TIAM1: variants seen among roughly 807,000 people sequenced by gnomAD.
TIAM1 encodes TIAM Rac1 associated GEF 1.
A neutral mutation model predicts 163.5 loss-of-function variants in TIAM1; 65 were observed. The ratio of observed to expected loss-of-function variants is 0.40; its 90% CI spans 0.33 to 0.49. The LOEUF (loss-of-function observed/expected upper bound fraction) is 0.49. Ranked by LOEUF, TIAM1 falls within the 20% of genes least tolerant of loss-of-function variation. The probability of loss-of-function intolerance (pLI) is 0.77; values close to 1 mark genes in which losing one functional copy is unlikely to be tolerated. For missense variants in TIAM1, 1,789 were observed against 2,044.7 expected (o/e 0.87, Z 2.41); for synonymous variants, 833 against 810.1 (o/e 1.03, Z -0.48).
chr21:31,453,414 C>T (rs2044951459), intron 2 of TIAM1, among the ~76,000 whole-genome samples: 2 of 152,038 alleles, frequency 1.3e-5, no homozygotes, highest in African/African-American at 4.8e-5. Flanking sequence ...CATTAAGAAA[C>T]CAGGGGGCAG....
chr21:31,376,247 G>T (rs893644590), intron 2 of TIAM1, among the ~76,000 whole-genome samples: 1 of 151,948 alleles, frequency 6.6e-6, no homozygotes, highest in Non-Finnish European at 1.5e-5. Flanking sequence ...ATGTACACAT[G>T]TGCACACTCA....
intron 13 of TIAM1, among the ~76,000 whole-genome samples, chr21:31,189,394 G>C (rs1226910772): frequency 1.3e-5 from 2 of 152,008 alleles, no homozygotes; most frequent in Admixed American, 1.3e-4. Context: ...ATAATCAAAA[G>C]GTTAAATAGA....
intron 2 of TIAM1, among the ~76,000 whole-genome samples, chr21:31,296,207 G>A (rs1407198608): frequency 6.6e-6 from 1 of 152,022 alleles, no homozygotes; most frequent in African/African-American, 2.4e-5. Context: ...CTTGGGAAAG[G>A]AAACATTTCT....
intron 2 of TIAM1, among the ~76,000 whole-genome samples, chr21:31,429,743 G>A (rs188274626): frequency 3.7e-4 from 56 of 152,322 alleles, no homozygotes; most frequent in Non-Finnish European, 4.0e-4. Context: ...CAGCCAGGGC[G>A]TGGAGTCTTC....
At chr21:31,526,968 C>T (rs1226941261) in intron 1 of TIAM1, among the ~76,000 whole-genome samples, 5 of 152,268 alleles carry the variant, frequency 3.3e-5, no homozygotes, top group Non-Finnish European at 5.9e-5. Context: ...TCCCAAAGTG[C>T]TGGGATTACA....
chr21:31,387,143 C>T (rs2076885541), intron 2 of TIAM1, among the ~76,000 whole-genome samples: 4 of 150,810 alleles, frequency 2.7e-5, no homozygotes, highest in Admixed American at 6.6e-5. Flanking sequence ...CGTCCCACCC[C>T]GAGAGCAGAC....
intron 1 of TIAM1, among the ~76,000 whole-genome samples, chr21:31,503,613 G>GGGGAGAGGAGTGGAA (rs2046934292): frequency 2.6e-5 from 3 of 116,682 alleles, no homozygotes; most frequent in African/African-American, 1.0e-4. Context: ...GGGGAGGGGA[G>GGGGAGAGGAGTGGAA]GGACCTGAAA....
chr21:31,228,249 A>G (rs2088168737), intron 6 of TIAM1, among the ~76,000 whole-genome samples: 16 of 138,264 alleles, frequency 1.2e-4, no homozygotes, highest in African/African-American at 5.0e-4. Flanking sequence ...AAAAAAAAAA[A>G]AAAAAAAAAA....
chr21:31,385,512 C>T (rs992625681), intron 2 of TIAM1, among the ~76,000 whole-genome samples: 1 of 151,858 alleles, frequency 6.6e-6, no homozygotes, highest in Non-Finnish European at 1.5e-5. Context: ...TCTGTAGGGA[C>T]GGTTGGGTCA....
chr21:31,181,613 T>A (rs2085018226), intron 15 of TIAM1, among the ~76,000 whole-genome samples: 1 of 151,900 alleles, frequency 6.6e-6, no homozygotes. Context: ...CCTCTCAGCA[T>A]CTCAGCTCAC....
chr21:31,153,966 A>T (rs942514602), intron 17 of TIAM1, among the ~76,000 whole-genome samples: 1 of 151,812 alleles, frequency 6.6e-6, no homozygotes, highest in African/African-American at 2.4e-5. Flanking sequence ...CAGGAGGCTG[A>T]GGAGGGAGGA....
intron 8 of TIAM1, among the ~76,000 whole-genome samples, chr21:31,221,789 TAAA>T (rs1453255387): frequency 1.3e-5 from 2 of 152,226 alleles, no homozygotes; most frequent in Non-Finnish European, 2.9e-5. Context: ...GACAAGGAGA[TAAA>T]GAAGAATTTC....
chr21:31,304,501 A>G (rs2146966435), intron 2 of TIAM1, among the ~76,000 whole-genome samples: 1 of 152,276 alleles, frequency 6.6e-6, no homozygotes, highest in South Asian at 2.1e-4. Flanking sequence ...GCCCAGTTCA[A>G]TTCCACTCAG....
intron 1 of TIAM1, among the ~76,000 whole-genome samples, chr21:31,492,387 C>T (rs2154515): frequency 0.32 from 48,145 of 152,034 alleles, 8,387 homozygotes; most frequent in East Asian, 0.7. Context: ...TCACCTGAGA[C>T]GAAGGCATAT....
At chr21:31,204,903 T>C (rs2086371151) in intron 11 of TIAM1, among the ~76,000 whole-genome samples, 1 of 152,200 alleles carries the variant, frequency 6.6e-6, no homozygotes, top group African/African-American at 2.4e-5. Context: ...ATATGATAGT[T>C]TGCAGCCTGC....
In TIAM1 at chr21:31,225,738, T is replaced by C; in HGVS notation, c.1797A>G (p.Thr599=). The change falls in exon 7 of 28, where the codon ACA becomes ACG. Residue 599 remains threonine, a synonymous_variant. Coordinates refer to ENST00000541036, the MANE Select transcript of TIAM1 (RefSeq NM_001353694.2). ...GAAGAACGATTACCTGATCTAATAT[T>C]GTTTTCTTTTTCTTTGAGTCAGTGA... The part of the protein sequence containing the change: ...SSVTDSKKKK[T]ILDQIFVWEQ... 6.2e-7 allele frequency: 1 copy of C among 1,612,100 alleles called. No individual in the cohort carries two copies. The highest frequency in any genetic ancestry group is 8.5e-7 in the Non-Finnish European group (1 of 1,179,966).
intron 2 of TIAM1, among the ~76,000 whole-genome samples, chr21:31,363,069 G>A (rs2076434294): frequency 6.6e-6 from 1 of 152,100 alleles, no homozygotes; most frequent in Non-Finnish European, 1.5e-5. Context: ...CTCAAGCCCT[G>A]TACACAGTGA....
intron 2 of TIAM1, among the ~76,000 whole-genome samples, chr21:31,426,441 T>C (rs895605297): frequency 5.9e-5 from 9 of 152,194 alleles, no homozygotes; most frequent in Admixed American, 2.0e-4. Context: ...CCACGGTTTG[T>C]GAAAATGAAA....
intron 2 of TIAM1, among the ~76,000 whole-genome samples, chr21:31,394,728 T>TCTCTCTCTCACA (rs1279053911): frequency 1.5e-3 from 148 of 95,702 alleles, no homozygotes; most frequent in African/African-American, 4.8e-3. Context: ...TCTCTCTCTC[T>TCTCTCTCTCACA]CACACACACA....
Sources: allele counts gnomAD v4.1 joint callset (sites outside exome capture counted in the v4.1 genomes callset), GRCh38; gene constraint gnomAD v4.1.1; transcripts MANE v1.5; gene names NCBI Gene and HGNC (gene_info 2026-07-23, HGNC 2026-07-21).